Variants in LSAMP observed in about 807,000 individuals in gnomAD.
The protein encoded by LSAMP is limbic system-associated membrane protein.
A neutral mutation model predicts 38.6 loss-of-function variants in LSAMP; 7 were observed. That is an observed-to-expected ratio of 0.18 (90% CI 0.10 to 0.34). The LOEUF (loss-of-function observed/expected upper bound fraction) is 0.34. Ranked by LOEUF, LSAMP falls within the 10% of genes least tolerant of loss-of-function variation. The pLI, the probability that LSAMP is intolerant of heterozygous loss-of-function variation, is 1.00. For synonymous variants in LSAMP, 154 were observed against 166.8 expected, an observed-to-expected ratio of 0.92 and a Z score of 0.59; for missense variants, 313 against 420.0, an observed-to-expected ratio of 0.75 and a Z score of 2.23.
At chr3:116,384,967 T>C (rs984860779) in intron 1 of LSAMP, among the ~76,000 whole-genome samples, 1 of 151,954 alleles carries the variant, frequency 6.6e-6, no homozygotes, top group Non-Finnish European at 1.5e-5. Flanking sequence ...ATTATTGAGG[T>C]GCTGGGCACT....
intron 6 of LSAMP, among the ~76,000 whole-genome samples, chr3:115,828,906 A>G (rs1170165763): frequency 1.3e-5 from 2 of 152,212 alleles, no homozygotes; most frequent in African/African-American, 4.8e-5. Context: ...GGAGCTCACC[A>G]GGAAAGGCTG....
intron 1 of LSAMP, among the ~76,000 whole-genome samples, chr3:116,300,985 T>C (rs2047400411): frequency 6.6e-6 from 1 of 151,866 alleles, no homozygotes; most frequent in Non-Finnish European, 1.5e-5. Flanking sequence ...AAATATTATT[T>C]TTAATACGTG....
At chr3:116,304,331 G>A (rs1170745119) in intron 1 of LSAMP, among the ~76,000 whole-genome samples, 2 of 152,182 alleles carry the variant, frequency 1.3e-5, no homozygotes, top group Non-Finnish European at 2.9e-5. Flanking sequence ...GGGTTTGAAG[G>A]GGAAGTTCAT....
At chr3:116,051,774 C>T (rs1290847751) in intron 2 of LSAMP, among the ~76,000 whole-genome samples, 1 of 151,934 alleles carries the variant, frequency 6.6e-6, no homozygotes, top group East Asian at 1.9e-4. Context: ...CCTCTCTTGT[C>T]ATGGCTACCA....
intron 1 of LSAMP, among the ~76,000 whole-genome samples, chr3:116,248,910 G>A (rs2046638533): frequency 6.6e-6 from 1 of 152,120 alleles, no homozygotes; most frequent in South Asian, 2.1e-4. Context: ...CACTTTGGGA[G>A]GCTGAGGCAG....
At chr3:116,246,061 G>A (rs2046602196) in intron 1 of LSAMP, among the ~76,000 whole-genome samples, 1 of 152,048 alleles carries the variant, frequency 6.6e-6, no homozygotes, top group Non-Finnish European at 1.5e-5. Context: ...ACTTCCCAAT[G>A]AGAAAAAAAT....
At chr3:116,111,009 T>A (rs1708600822) in intron 1 of LSAMP, among the ~76,000 whole-genome samples, 1 of 151,868 alleles carries the variant, frequency 6.6e-6, no homozygotes, top group Non-Finnish European at 1.5e-5. Flanking sequence ...CACAAGGTGC[T>A]CAGTGGGGGA....
intron 1 of LSAMP, among the ~76,000 whole-genome samples, chr3:116,434,849 G>A (rs973417421): frequency 1.3e-5 from 2 of 152,044 alleles, no homozygotes; most frequent in Non-Finnish European, 2.9e-5. Flanking sequence ...GCGCTCGGCC[G>A]GGGCTTTGAC....
intron 3 of LSAMP, among the ~76,000 whole-genome samples, chr3:115,975,898 CCT>C (rs1287399367): frequency 6.6e-6 from 1 of 152,134 alleles, no homozygotes; most frequent in Non-Finnish European, 1.5e-5. Flanking sequence ...CCAACTGCCC[CCT>C]CTTTCCAAAG....
intron 1 of LSAMP, among the ~76,000 whole-genome samples, chr3:116,260,479 T>C (rs902731470): frequency 2.0e-5 from 3 of 152,012 alleles, no homozygotes; most frequent in Admixed American, 2.0e-4. Context: ...TATATAAAAA[T>C]AGGAATAAAA....
intron 3 of LSAMP, among the ~76,000 whole-genome samples, chr3:115,962,184 G>A (rs1308213107): frequency 6.6e-6 from 1 of 152,146 alleles, no homozygotes; most frequent in Non-Finnish European, 1.5e-5. Flanking sequence ...ATTCAGTCTC[G>A]GCTAGAAATC....
At chr3:116,434,863 A>G (rs2049326773) in intron 1 of LSAMP, among the ~76,000 whole-genome samples, 2 of 152,082 alleles carry the variant, frequency 1.3e-5, no homozygotes, top group African/African-American at 4.8e-5. Context: ...CTTTGACTTT[A>G]TGCTGTGGAT....
Position 116,027,963 on chromosome 3 carries a change from A to C in LSAMP, c.389-8323T>G, listed in dbSNP as rs572483645. On this transcript the variant is annotated intron_variant, in intron 2 of 6. Coordinates refer to ENST00000490035, the MANE Select transcript of LSAMP (RefSeq NM_002338.5). ...TTCAAAGATGGGGCAAGGTGTATAC[A>C]CTACTGTGTATGTGGTGATGGTGGG... Among the ~76,000 whole-genome samples the C allele has an allele frequency of 7.2e-5, 11 of 152,304 alleles. No homozygotes were observed. In the South Asian group the frequency reaches 2.1e-3, roughly 29 times the overall value.
chr3:115,834,457 A>G (rs1179238341), intron 6 of LSAMP: 1 of 848,538 alleles, frequency 1.2e-6, no homozygotes, highest in East Asian at 6.3e-5. Context: ...TTTATATTGT[A>G]TGTGAATTTT....
intron 3 of LSAMP, among the ~76,000 whole-genome samples, chr3:115,905,461 GCCC>G (rs1281163050): frequency 1.3e-5 from 2 of 151,936 alleles, no homozygotes; most frequent in African/African-American, 4.8e-5. Flanking sequence ...ATCATTATAA[GCCC>G]CCAAAATGTA....
At chr3:116,215,200 C>T (rs900196006) in intron 1 of LSAMP, among the ~76,000 whole-genome samples, 1 of 152,170 alleles carries the variant, frequency 6.6e-6, no homozygotes, top group East Asian at 1.9e-4. Context: ...GAATAAGTTG[C>T]TGAAGTGTGC....
intron 3 of LSAMP, among the ~76,000 whole-genome samples, chr3:115,996,785 C>T (rs114753355): frequency 0.017 from 2,546 of 152,196 alleles, 44 homozygotes; most frequent in Non-Finnish European, 0.02. Context: ...CCCCTCCTCT[C>T]AGGCTCCCTT....
intron 1 of LSAMP, among the ~76,000 whole-genome samples, chr3:116,380,167 A>T (rs2048538672): frequency 6.6e-6 from 1 of 151,860 alleles, no homozygotes; most frequent in Non-Finnish European, 1.5e-5. Context: ...GATTATCAAT[A>T]GCATGTACCT....
intron 2 of LSAMP, among the ~76,000 whole-genome samples, chr3:116,045,541 TAAAAAAAA>T (rs10662058): frequency 3.3e-4 from 25 of 76,022 alleles, no homozygotes; most frequent in Non-Finnish European, 5.9e-4. Flanking sequence ...GTGGAGGTGG[TAAAAAAAA>T]AAAAAAAAAA....
Sources: gnomAD v4.1 joint callset for allele counts (sites outside exome capture counted in the v4.1 genomes callset) on GRCh38, gnomAD v4.1.1 for gene constraint, MANE v1.5 for transcripts, NCBI Gene and HGNC (gene_info 2026-07-23, HGNC 2026-07-21) for gene names.